The following PCMT1 variants were observed in gnomAD, a reference collection of about 807,000 sequenced individuals.
PCMT1 encodes the protein protein-L-isoaspartate (D-aspartate) O-methyltransferase.
A neutral mutation model predicts 29.2 loss-of-function variants in PCMT1; 9 were observed. That is an observed-to-expected ratio of 0.31 (90% CI 0.19 to 0.54). PCMT1 has a LOEUF of 0.54. PCMT1 is among the 20% of genes least tolerant of loss of function. PCMT1 has a pLI of 0.95. For synonymous variants in PCMT1, 98 were observed against 97.5 expected (o/e 1.00, Z -0.03); for missense variants, 184 against 282.2 (o/e 0.65, Z 2.49).
At chr6:149,786,941 A>G (rs1183542377) in intron 3 of PCMT1, among the ~76,000 whole-genome samples, 1 of 138,796 alleles carries the variant, frequency 7.2e-6, no homozygotes, top group Non-Finnish European at 1.5e-5. Flanking sequence ...TGGGAGGTAG[A>G]GGTTGTAGCT....
chr6:149,800,376 T>C (rs1775788642), intron 6 of PCMT1, among the ~76,000 whole-genome samples: 2 of 151,692 alleles, frequency 1.3e-5, no homozygotes, highest in South Asian at 4.2e-4. Flanking sequence ...GGCTGAGGCA[T>C]GAGAATTGCT....
chr6:149,791,332 C>T (rs964903423), intron 4 of PCMT1, among the ~76,000 whole-genome samples: 2 of 152,188 alleles, frequency 1.3e-5, no homozygotes, highest in African/African-American at 4.8e-5. Context: ...AAAAATAATG[C>T]CTTGTTATAC....
intron 1 of PCMT1, among the ~76,000 whole-genome samples, chr6:149,766,564 T>G (rs1235591730): frequency 1.3e-5 from 2 of 152,210 alleles, no homozygotes; most frequent in Admixed American, 1.3e-4. Context: ...TGCTGCCTGG[T>G]TTTATAAATT....
chr6:149,773,668 T>C (rs1787434011), intron 3 of PCMT1, among the ~76,000 whole-genome samples: 1 of 152,176 alleles, frequency 6.6e-6, no homozygotes, highest in Non-Finnish European at 1.5e-5. Context: ...CGTGAGCCAC[T>C]GCGCTTGGCC....
At chr6:149,775,124 C>A (rs1787506145) in intron 3 of PCMT1, among the ~76,000 whole-genome samples, 1 of 152,130 alleles carries the variant, frequency 6.6e-6, no homozygotes, top group Admixed American at 6.6e-5. Context: ...GGATTATAGG[C>A]ATGAGCCACT....
At chr6:149,761,473 A>G (rs1249498352) in intron 1 of PCMT1, among the ~76,000 whole-genome samples, 3 of 152,070 alleles carry the variant, frequency 2.0e-5, no homozygotes, top group Non-Finnish European at 4.4e-5. Flanking sequence ...TCTTGTGATT[A>G]TCTTCATATC....
intron 1 of PCMT1, among the ~76,000 whole-genome samples, chr6:149,768,840 T>C (rs1010540058): frequency 6.6e-6 from 1 of 152,050 alleles, no homozygotes; most frequent in Non-Finnish European, 1.5e-5. Flanking sequence ...TTGGCCGTAT[T>C]GGTCTTGAAC....
At chr6:149,757,411 T>C (rs1046517704) in intron 1 of PCMT1, among the ~76,000 whole-genome samples, 4 of 152,178 alleles carry the variant, frequency 2.6e-5, no homozygotes, top group African/African-American at 4.8e-5. Flanking sequence ...TTTTTATTAA[T>C]ATTATATTTA....
chr6:149,796,458 T>C lies in PCMT1; in HGVS notation c.462T>C (p.Asp154=), dbSNP rs972469948. The C allele has an allele frequency of 6.2e-7, 1 of 1,613,886 alleles. No individual in the cohort carries two copies. The highest frequency in any genetic ancestry group is 2.2e-5 in the East Asian group (1 of 44,868). Residue 154 remains aspartate (D), a synonymous_variant, in exon 6 of 8, where the codon GAT becomes GAC. Coordinates refer to ENST00000464889, the MANE Select transcript of PCMT1 (RefSeq NM_001360452.2). ...GATATGCTGAAGAAGCCCCTTATGA[T>C]GCCATTCATGTGGGAGCTGCAGCCC... ...RMGYAEEAPY[D]AIHVGAAAPV...
intron 6 of PCMT1, chr6:149,796,893 A>T (rs1161098632): frequency 6.5e-6 from 1 of 154,152 alleles, no homozygotes; most frequent in Non-Finnish European, 1.4e-5. Flanking sequence ...AGCTCACTGC[A>T]ACCTCCGCCT....
intron 3 of PCMT1, 82 bp from the exon 4 acceptor site, chr6:149,789,872 T>C: frequency 2.4e-6 from 2 of 818,536 alleles, no homozygotes; most frequent in Non-Finnish European, 3.7e-6. Context: ...AGTAGAAAAA[T>C]TGGTAGAAAG....
intron 1 of PCMT1, 136 bp downstream of exon 1, chr6:149,750,092 T>G: frequency 1.4e-5 from 17 of 1,248,238 alleles, no homozygotes; most frequent in Non-Finnish European, 1.8e-5. Flanking sequence ...GCCCCGGTAG[T>G]CCCGAACGGC....
At chr6:149,775,683 G>T (rs1320281355) in intron 3 of PCMT1, among the ~76,000 whole-genome samples, 1 of 152,146 alleles carries the variant, frequency 6.6e-6, no homozygotes, top group East Asian at 1.9e-4. Context: ...ACTCCAGCCT[G>T]GTTGACAGAG....
chr6:149,759,550 A>C (rs149235111), intron 1 of PCMT1, among the ~76,000 whole-genome samples: 5,217 of 151,924 alleles, frequency 0.034, 143 homozygotes, highest in Middle Eastern at 0.065. Flanking sequence ...GCTGGAGTGC[A>C]ATGGCGGGAT....
At chr6:149,795,212 T>C (rs1483312865) in intron 5 of PCMT1, 2 of 357,384 alleles carry the variant, frequency 5.6e-6, no homozygotes, top group South Asian at 2.6e-5. Context: ...AAAAAAGAAA[T>C]GTTAACTTCT....
chr6:149,795,106 T>C, intron 5 of PCMT1: 1 of 320,508 alleles, frequency 3.1e-6, no homozygotes, highest in Non-Finnish European at 6.0e-6. Context: ...GGCAGGAGAA[T>C]CGCTTGAACC....
chr6:149,795,260 A>G, intron 5 of PCMT1: 1 of 404,356 alleles, frequency 2.5e-6, no homozygotes, highest in Middle Eastern at 4.4e-4. Context: ...GAAAAAGATC[A>G]CAGTTCCTCT....
chr6:149,765,841 C>CT (rs1204194945), intron 1 of PCMT1: 1 of 178,552 alleles, frequency 5.6e-6, no homozygotes, highest in Non-Finnish European at 1.2e-5. Context: ...CGGTGGGCAT[C>CT]TGTAATCCCA....
intron 6 of PCMT1, among the ~76,000 whole-genome samples, chr6:149,799,731 G>T (rs918086771): frequency 5.3e-5 from 8 of 152,204 alleles, no homozygotes; most frequent in Non-Finnish European, 1.0e-4. Context: ...ATGGAAGTTT[G>T]CAGGATTGTT....
Sources: gnomAD v4.1 joint callset for allele counts (sites outside exome capture counted in the v4.1 genomes callset) on GRCh38, gnomAD v4.1.1 for gene constraint, MANE v1.5 for transcripts, NCBI Gene and HGNC (gene_info 2026-07-23, HGNC 2026-07-21) for gene names.